The following BRF1 variants were observed in gnomAD, a reference collection of about 807,000 sequenced individuals.
BRF1 encodes transcription factor IIIB 90 kDa subunit.
In BRF1, 59 loss-of-function variants were observed where a neutral mutation model predicts 81.7. That is an observed-to-expected ratio of 0.72 (90% CI 0.59 to 0.90). The LOEUF (loss-of-function observed/expected upper bound fraction) is 0.90. BRF1 is among the 40% of genes least tolerant of loss of function. BRF1 has a pLI of 0.00. For synonymous variants in BRF1, 491 were observed against 395.6 expected, an observed-to-expected ratio of 1.24 and a Z score of -2.86; for missense variants, 1,050 against 936.3, an observed-to-expected ratio of 1.12 and a Z score of -1.58.
At chr14:105,250,133 G>A in intron 5 of BRF1, 1 of 1,613,002 alleles carries the variant, frequency 6.2e-7, no homozygotes, top group South Asian at 1.1e-5. Context: ...GACTCTGGAG[G>A]AGACCCACAG....
chr14:105,227,727 G>C (rs1595312835), intron 7 of BRF1: 1 of 152,244 alleles, frequency 6.6e-6, no homozygotes, highest in East Asian at 1.9e-4. Context: ...GTGAGCCATG[G>C]GGCTCAGTTC....
chr14:105,248,554 G>GCGGCGGGTACGGGCTCGGGC (rs1301377705), intron 5 of BRF1: 227 of 845,920 alleles, frequency 2.7e-4, no homozygotes, highest in Non-Finnish European at 3.0e-4. Flanking sequence ...CACCGGCGCC[G>GCGGCGGGTACGGGCTCGGGC]CGGCGGGTAC....
chr14:105,215,989 CGCACACACACAT>C (rs1304231899), intron 15 of BRF1, among the ~76,000 whole-genome samples: 2 of 145,002 alleles, frequency 1.4e-5, no homozygotes, highest in South Asian at 2.2e-4. Flanking sequence ...CATACACAGG[CGCACACACACAT>C]GCACACACAC....
chr14:105,310,545 A>G, intron 1 of BRF1, among the ~76,000 whole-genome samples: 1 of 150,518 alleles, frequency 6.6e-6, no homozygotes, highest in African/African-American at 2.4e-5. Flanking sequence ...AAAAAAAAAA[A>G]AAAAAAAAAA....
chr14:105,272,920 T>G, intron 2 of BRF1, 26 bp from the exon 3 acceptor site: 1 of 1,555,310 alleles, frequency 6.4e-7, no homozygotes. Flanking sequence ...AGGCAGCTCT[T>G]AGCCAAATGT....
At chr14:105,253,827 A>T (rs772142445) in intron 4 of BRF1, among the ~76,000 whole-genome samples, 14 of 152,060 alleles carry the variant, frequency 9.2e-5, no homozygotes, top group Non-Finnish European at 1.8e-4. Context: ...TCCCCTCCTC[A>T]CAGTTTCTGG....
At position 105,210,284 on chromosome 14, in the gene BRF1, C is replaced by T. The variant is rs587776133; in HGVS notation, c.*267G>A. 1.2e-3 allele frequency: 608 copies of T among 502,400 alleles called. 3 individuals carry two copies. The highest frequency in any genetic ancestry group is 0.011 in the African/African-American group (547 of 51,336). 31.1% of individuals were successfully genotyped at this position (502,400 alleles called of 1,614,324 possible). A position where few individuals can be genotyped will look rare whatever the true frequency, so the allele number is the denominator to read the frequency against. On this transcript the variant is annotated 3_prime_UTR_variant, in exon 18 of 18. Coordinates refer to ENST00000547530, the MANE Select transcript of BRF1 (RefSeq NM_001519.4). The surrounding 1 kb of genome is among the most constrained non-coding windows in gnomAD (Gnocchi z 4.7). Reference sequence around the variant, plus strand: ...AGCCTTGGAGGGTCCTTGGATGAGTCGACGGCAGGCAGCGGGACCCAGCCC... The same window carrying T: ...AGCCTTGGAGGGTCCTTGGATGAGTTGACGGCAGGCAGCGGGACCCAGCCC...
upstream of BRF1, among the ~76,000 whole-genome samples, chr14:105,301,980 T>C (rs769722010): frequency 1.3e-5 from 2 of 151,744 alleles, no homozygotes; most frequent in Non-Finnish European, 2.9e-5. Context: ...CCACTAAAAA[T>C]ACAAAAAAAT....
chr14:105,229,331 C>G (rs955411213), intron 6 of BRF1, among the ~76,000 whole-genome samples: 1 of 152,194 alleles, frequency 6.6e-6, no homozygotes, highest in Non-Finnish European at 1.5e-5. Flanking sequence ...CCACAGTGGG[C>G]CCAGAACCTC....
intron 1 of BRF1, among the ~76,000 whole-genome samples, chr14:105,306,137 G>A (rs1201537076): frequency 3.3e-5 from 5 of 152,186 alleles, no homozygotes; most frequent in Admixed American, 6.5e-5. Flanking sequence ...GAACGTGCTC[G>A]TAACACTTAG....
intron 14 of BRF1, among the ~76,000 whole-genome samples, chr14:105,218,657 T>C (rs1467417091): frequency 1.3e-5 from 2 of 152,218 alleles, no homozygotes; most frequent in African/African-American, 4.8e-5. Flanking sequence ...ACAGTCGGAC[T>C]TTCCCAGGGC....
At chr14:105,229,307 C>A (rs181069510) in intron 6 of BRF1, among the ~76,000 whole-genome samples, 1 of 152,142 alleles carries the variant, frequency 6.6e-6, no homozygotes, top group Non-Finnish European at 1.5e-5. Context: ...GCAGCTGACA[C>A]AGGTTCACCA....
intron 3 of BRF1, among the ~76,000 whole-genome samples, chr14:105,266,562 G>A (rs2056426651): frequency 6.6e-6 from 1 of 152,236 alleles, no homozygotes; most frequent in East Asian, 1.9e-4. Context: ...AAATTAGAAA[G>A]CAAGGTAACA....
chr14:105,241,711 C>G lies in BRF1; in HGVS notation c.545-297G>C, dbSNP rs1387122099. 3 of 461,876 alleles carry G rather than the reference C, an allele frequency of 6.5e-6. No individual in the cohort carries two copies. The Admixed American group carries it at 1.0e-4, about 16-fold the overall frequency. The allele number at this position is 461,876 out of a possible 1,614,324, so 28.6% of individuals were successfully genotyped here. ...GCTCAGGACACAGAGGGGCGCACAC[C>G]CAGCAGCCTTCCCTCCAGACCATGC... On this transcript the variant is annotated intron_variant, in intron 5 of 17. Coordinates refer to ENST00000547530, the MANE Select transcript of BRF1 (RefSeq NM_001519.4).
chr14:105,268,341 C>T (rs887198266), intron 3 of BRF1, among the ~76,000 whole-genome samples: 1 of 152,268 alleles, frequency 6.6e-6, no homozygotes, highest in African/African-American at 2.4e-5. Flanking sequence ...GCCCACGCAG[C>T]CTCCCTGGGC....
intron 2 of BRF1, among the ~76,000 whole-genome samples, chr14:105,280,770 G>A (rs1302973979): frequency 6.7e-6 from 1 of 150,012 alleles, no homozygotes; most frequent in African/African-American, 2.5e-5. Flanking sequence ...TATAGCCCAC[G>A]TGACCCTGAG....
At chr14:105,283,342 G>T (rs1262950774) in intron 2 of BRF1, among the ~76,000 whole-genome samples, 1 of 152,176 alleles carries the variant, frequency 6.6e-6, no homozygotes, top group Non-Finnish European at 1.5e-5. Context: ...GCAGGGCATG[G>T]CCCCTGATGC....
At chr14:105,247,082 G>A in intron 5 of BRF1, 2 of 985,416 alleles carry the variant, frequency 2.0e-6, no homozygotes, top group Non-Finnish European at 2.4e-6. Context: ...TTTTTCTATG[G>A]AAACAGACGG....
intron 5 of BRF1, among the ~76,000 whole-genome samples, chr14:105,243,688 T>G (rs28416546): frequency 1.3e-5 from 2 of 152,140 alleles, no homozygotes; most frequent in East Asian, 3.9e-4. Flanking sequence ...AAAACTCATT[T>G]CAAAAACACT....
Sources: gnomAD v4.1 joint callset for allele counts (sites outside exome capture counted in the v4.1 genomes callset) on GRCh38, gnomAD v4.1.1 for gene constraint, Gnocchi (gnomAD v3.1) non-coding constraint, MANE v1.5 for transcripts, NCBI Gene and HGNC (gene_info 2026-07-23, HGNC 2026-07-21) for gene names.